The following HRH1 variants were observed in gnomAD, a reference collection of about 807,000 sequenced individuals.
The protein encoded by HRH1 is histamine receptor H1, also known as histamine H1 receptor.
In HRH1, 6 loss-of-function variants were observed where a neutral mutation model predicts 10.3. That is an observed-to-expected ratio of 0.58 (90% CI 0.32 to 1.15). HRH1 has a LOEUF of 1.15. HRH1 is among the 50% of genes most tolerant of loss of function. The pLI, the probability that HRH1 is intolerant of heterozygous loss-of-function variation, is 0.05. For synonymous variants in HRH1, 242 were observed against 236.7 expected, an observed-to-expected ratio of 1.02 and a Z score of -0.21; for missense variants, 514 against 615.3, an observed-to-expected ratio of 0.84 and a Z score of 1.74.
rs143112943 is a variant in HRH1, at chr3:11,255,582, C to T, written c.-35-3421C>T. Among the ~76,000 whole-genome samples the T allele has an allele frequency of 1.2e-3, 188 of 152,322 alleles. 1 individual carries two copies. Among genetic ancestry groups the T allele is most frequent in the African/African-American group, 4.2e-3 (175 of 41,566 alleles). ...ATGACACAGCAACAGGAGGTCCTGA[C>T]GATGTGCCCAAAGTGGTCAGAGCAC... On this transcript the variant is annotated intron_variant, in intron 1 of 1. Coordinates refer to ENST00000431010, the MANE Select transcript of HRH1 (RefSeq NM_001098212.2).
Position 11,212,772 on chromosome 3 carries a change from G to A in HRH1, c.-35-46231G>A, listed in dbSNP as rs762189484. 1.1e-4 allele frequency among the ~76,000 whole-genome samples: 17 copies of A among 152,156 alleles called. 1 individual carries two copies. Among genetic ancestry groups the A allele is most frequent in the Admixed American group, 3.3e-4 (5 of 15,274 alleles). On this transcript the variant is annotated intron_variant, in intron 1 of 1. Coordinates refer to ENST00000431010, the MANE Select transcript of HRH1 (RefSeq NM_001098212.2). ...CATGGGTTCTGGGAGTTGTCCTTTA[G>A]TGGCTCCCTGTTTCATCAAAGTCAA... is the stretch of plus-strand genomic sequence containing the variant.
intron 1 of HRH1, among the ~76,000 whole-genome samples, chr3:11,231,553 C>T (rs1026589786): frequency 3.3e-5 from 5 of 152,240 alleles, no homozygotes; most frequent in Admixed American, 1.3e-4. Flanking sequence ...AGTGATATCT[C>T]GTTGTGGTTT....
At chr3:11,140,579 C>G (rs1389658657) in intron 1 of HRH1, among the ~76,000 whole-genome samples, 2 of 152,168 alleles carry the variant, frequency 1.3e-5, no homozygotes, top group East Asian at 1.9e-4. Context: ...AGCCACTTCC[C>G]CATTCTCAGA....
chr3:11,167,601 A>T (rs994668992), intron 1 of HRH1, among the ~76,000 whole-genome samples: 7 of 152,166 alleles, frequency 4.6e-5, no homozygotes, highest in Non-Finnish European at 8.8e-5. Flanking sequence ...GTGCAGCCTC[A>T]TGGTTTTTGA....
At chr3:11,195,267 A>C (rs1937619623) in intron 1 of HRH1, among the ~76,000 whole-genome samples, 1 of 152,236 alleles carries the variant, frequency 6.6e-6, no homozygotes, top group African/African-American at 2.4e-5. Context: ...CAGCTTCTGC[A>C]AAGTTGTTTT....
At chr3:11,182,855 A>G (rs1455734575) in intron 1 of HRH1, among the ~76,000 whole-genome samples, 1 of 152,222 alleles carries the variant, frequency 6.6e-6, no homozygotes, top group African/African-American at 2.4e-5. Flanking sequence ...TGACAGAATC[A>G]GTATCAAACC....
chr3:11,138,052 G>C (rs562023965), intron 1 of HRH1, among the ~76,000 whole-genome samples: 7 of 151,954 alleles, frequency 4.6e-5, no homozygotes, highest in African/African-American at 1.7e-4. Flanking sequence ...GTCTCCCTCT[G>C]TTGTCCAGGC....
At chr3:11,179,194 A>G (rs1937302798) in intron 1 of HRH1, among the ~76,000 whole-genome samples, 1 of 152,170 alleles carries the variant, frequency 6.6e-6, no homozygotes, top group African/African-American at 2.4e-5. Flanking sequence ...AGGCCGAGGC[A>G]GGAGAATCGC....
Position 11,262,061 on chromosome 3 carries a change from A to G in HRH1, c.*1560A>G, listed in dbSNP as rs201058220. 3.0e-5 allele frequency: 5 copies of G among 167,110 alleles called. No homozygotes were observed. The highest frequency in any genetic ancestry group is 5.9e-5 in the Non-Finnish European group (4 of 68,136). The allele number at this position is 167,110 out of a possible 1,614,324, so 10.4% of individuals were successfully genotyped here. ...TGTCAAAAAGTCATTGTAATCTTTC[A>G]TAGCCATACCTGGTAAGCAAAAACT... On this transcript the variant is annotated 3_prime_UTR_variant, in exon 2 of 2. Coordinates refer to ENST00000431010, the MANE Select transcript of HRH1 (RefSeq NM_001098212.2).
chr3:11,139,009 A>C (rs147397490), intron 1 of HRH1, among the ~76,000 whole-genome samples: 43,441 of 146,368 alleles, frequency 0.3, 6,964 homozygotes, highest in Admixed American at 0.46. Context: ...TTTTTTTAGA[A>C]AGAATTTTGC....
chr3:11,236,223 T>C (rs1325836446), intron 1 of HRH1, among the ~76,000 whole-genome samples: 1 of 152,130 alleles, frequency 6.6e-6, no homozygotes, highest in African/African-American at 2.4e-5. Context: ...GGCAAGTGGA[T>C]CGTTTGAGAC....
At chr3:11,227,123 G>A (rs1938908654) in intron 1 of HRH1, among the ~76,000 whole-genome samples, 1 of 152,110 alleles carries the variant, frequency 6.6e-6, no homozygotes. Context: ...GCAGTTGAGA[G>A]ACGATGTTGT....
chr3:11,188,957 C>T (rs1019764231), intron 1 of HRH1, among the ~76,000 whole-genome samples: 1 of 152,160 alleles, frequency 6.6e-6, no homozygotes, highest in African/African-American at 2.4e-5. Flanking sequence ...ACTTAATTTC[C>T]TCATTCCTGT....
intron 1 of HRH1, among the ~76,000 whole-genome samples, chr3:11,201,078 A>G (rs1047706164): frequency 6.6e-6 from 1 of 152,196 alleles, no homozygotes; most frequent in Non-Finnish European, 1.5e-5. Context: ...GGGATCTATC[A>G]GTGGATTCGC....
At chr3:11,229,128 T>C (rs1269679482) in intron 1 of HRH1, among the ~76,000 whole-genome samples, 1 of 152,210 alleles carries the variant, frequency 6.6e-6, no homozygotes. Flanking sequence ...TCTTCCCATC[T>C]TCTTTATCAA....
intron 1 of HRH1, among the ~76,000 whole-genome samples, chr3:11,242,782 A>G (rs984297755): frequency 6.6e-6 from 1 of 152,270 alleles, no homozygotes; most frequent in Non-Finnish European, 1.5e-5. Context: ...GGTATGGTAC[A>G]ATATTCGTCA....
intron 1 of HRH1, among the ~76,000 whole-genome samples, chr3:11,185,841 CAG>C (rs1479811856): frequency 2.0e-5 from 3 of 152,168 alleles, no homozygotes; most frequent in African/African-American, 7.2e-5. Flanking sequence ...TGTTGGCACT[CAG>C]ACGTTGTTTA....
rs573892912 is a variant in HRH1, at chr3:11,217,227, A to C, written c.-35-41776A>C. Among the ~76,000 whole-genome samples, 182 of 148,758 alleles carry C rather than the reference A, an allele frequency of 1.2e-3. 2 individuals carry two copies. The highest frequency in any genetic ancestry group is 3.7e-3 in the African/African-American group (151 of 41,010). ...AACAAACAAAACCAAAAAAAAAAAA[A>C]CAGAAAGAAAAACAAAGTGGGGCCA... On this transcript the variant is annotated intron_variant, in intron 1 of 1. Transcript: ENST00000431010.
chr3:11,244,967 A>G (rs1290969465), intron 1 of HRH1, among the ~76,000 whole-genome samples: 1 of 152,148 alleles, frequency 6.6e-6, no homozygotes. Flanking sequence ...GGCTAGGGAT[A>G]ATGGTAAATG....
Sources: allele counts gnomAD v4.1 joint callset (sites outside exome capture counted in the v4.1 genomes callset), GRCh38; gene constraint gnomAD v4.1.1; transcripts MANE v1.5; gene names NCBI Gene and HGNC (gene_info 2026-07-23, HGNC 2026-07-21).